Variants in MARCHF6 observed in about 807,000 individuals in gnomAD.
MARCHF6 encodes membrane associated ring-CH-type finger 6, also known as E3 ubiquitin-protein ligase MARCHF6.
Under a neutral mutation model 133.7 loss-of-function variants are expected in MARCHF6, and 31 were observed. That is an observed-to-expected ratio of 0.23 (90% CI 0.17 to 0.31). The LOEUF (loss-of-function observed/expected upper bound fraction) is 0.31. MARCHF6 is among the 10% of genes least tolerant of loss of function. MARCHF6 has a pLI of 1.00. For missense variants in MARCHF6, 723 were observed against 1,121.6 expected (o/e 0.64, Z 5.08); for synonymous variants, 395 against 402.5 (o/e 0.98, Z 0.22).
intron 1 of MARCHF6, among the ~76,000 whole-genome samples, chr5:10,375,532 G>A (rs1405750878): frequency 5.3e-5 from 8 of 152,270 alleles, no homozygotes; most frequent in African/African-American, 1.9e-4. Context: ...CCCAAGGGCT[G>A]AGGAGTGCCA....
chr5:10,403,315 C>A, intron 14 of MARCHF6, 92 bp from the exon 15 acceptor site: 1 of 1,228,884 alleles, frequency 8.1e-7, no homozygotes, highest in Non-Finnish European at 1.2e-6. Context: ...TCCTTGCATG[C>A]ATATTGATTA....
intron 23 of MARCHF6, among the ~76,000 whole-genome samples, chr5:10,424,512 AG>A (rs1646579613): frequency 6.6e-6 from 1 of 152,254 alleles, no homozygotes. Flanking sequence ...CTTATGCCTA[AG>A]AGGCATATTT....
chr5:10,379,570 C>G (rs1051866637), intron 3 of MARCHF6, among the ~76,000 whole-genome samples: 3 of 152,068 alleles, frequency 2.0e-5, no homozygotes, highest in African/African-American at 4.8e-5. Context: ...ACGCCATTCT[C>G]CTGCCTCAGC....
intron 14 of MARCHF6, 101 bp from the exon 15 acceptor site, chr5:10,403,306 C>A: frequency 1.8e-6 from 2 of 1,140,404 alleles, no homozygotes; most frequent in Non-Finnish European, 1.3e-6. Context: ...AGGAATTGTT[C>A]CTTGCATGCA....
chr5:10,403,092 C>T (rs1738646485), intron 14 of MARCHF6, among the ~76,000 whole-genome samples: 1 of 152,078 alleles, frequency 6.6e-6, no homozygotes, highest in African/African-American at 2.4e-5. Context: ...ATTTACCCTC[C>T]CATACCTTAC....
intron 25 of MARCHF6, among the ~76,000 whole-genome samples, chr5:10,432,595 C>T (rs1481340953): frequency 6.6e-6 from 1 of 152,260 alleles, no homozygotes; most frequent in African/African-American, 2.4e-5. Context: ...GCAGCTGTCG[C>T]CCTTCCCTGG....
chr5:10,381,153 T>C (rs1448458463), intron 3 of MARCHF6, among the ~76,000 whole-genome samples: 1 of 152,208 alleles, frequency 6.6e-6, no homozygotes, highest in Non-Finnish European at 1.5e-5. Context: ...CAGTGGTTTT[T>C]TATTGGAACC....
intron 22 of MARCHF6, among the ~76,000 whole-genome samples, chr5:10,419,124 T>C (rs1268879410): frequency 2.0e-5 from 3 of 152,188 alleles, no homozygotes; most frequent in African/African-American, 7.2e-5. Context: ...TACAAAGAAG[T>C]ACAGAACTGA....
In MARCHF6 at chr5:10,390,405, G is replaced by A; in HGVS notation, c.481G>A (p.Val161Met). 6.2e-7 allele frequency: 1 copy of A among 1,613,976 alleles called. No homozygotes were observed. Among genetic ancestry groups the A allele is most frequent in the Non-Finnish European group, 8.5e-7 (1 of 1,180,014 alleles). The change falls in exon 6 of 26, where the codon GTG becomes ATG. Residue 161 changes from valine to methionine, a missense_variant. Coordinates refer to ENST00000274140, the MANE Select transcript of MARCHF6 (RefSeq NM_005885.4). ...TCTLCAFISL[V>M]WLREQIVHGG... ...CACACTGTGTGCATTCATCAGCCTGGTGTGGTTGAGAGAGCAGATAGTCCA... is the reference window on the plus strand; with the variant it reads ...CACACTGTGTGCATTCATCAGCCTGATGTGGTTGAGAGAGCAGATAGTCCA...
intron 8 of MARCHF6, among the ~76,000 whole-genome samples, 168 bp downstream of exon 8, chr5:10,394,311 T>C (rs930797513): frequency 5.3e-5 from 8 of 152,224 alleles, no homozygotes; most frequent in Non-Finnish European, 1.2e-4. Flanking sequence ...GGTCAAAATA[T>C]TGTGATGTTG....
intron 25 of MARCHF6, among the ~76,000 whole-genome samples, chr5:10,430,687 G>C (rs1358636416): frequency 6.6e-6 from 1 of 152,144 alleles, no homozygotes; most frequent in African/African-American, 2.4e-5. Context: ...AACAGTTTTA[G>C]ATAAAAATAA....
At chr5:10,405,028 G>A (rs1472050524) in intron 15 of MARCHF6, among the ~76,000 whole-genome samples, 1 of 152,156 alleles carries the variant, frequency 6.6e-6, no homozygotes, top group African/African-American at 2.4e-5. Flanking sequence ...ATCACACACT[G>A]TAACCCCTTG....
At position 10,411,319 on chromosome 5, in the gene MARCHF6, T is replaced by G. The variant is rs200893202; in HGVS notation, c.1692-14T>G. 4 of 1,611,260 alleles carry G rather than the reference T, an allele frequency of 2.5e-6. No individual in the cohort carries two copies. Among genetic ancestry groups the G allele is most frequent in the East Asian group, 2.2e-5 (1 of 44,876 alleles). ...CCTGAAGTGAGACTTGTTACTGATG[T>G]AATTTTTGCACAGGGATCTTCATTC... is the stretch of plus-strand genomic sequence containing the variant. On this transcript the variant is annotated splice_polypyrimidine_tract_variant and intron_variant, in intron 18 of 25. Transcript: ENST00000274140.
intron 1 of MARCHF6, among the ~76,000 whole-genome samples, chr5:10,369,859 G>T (rs1736362620): frequency 6.6e-6 from 1 of 151,986 alleles, no homozygotes; most frequent in Non-Finnish European, 1.5e-5. Flanking sequence ...TTATTGTAGG[G>T]ATGTACCAAA....
intron 18 of MARCHF6, among the ~76,000 whole-genome samples, chr5:10,410,697 T>C (rs543694966): frequency 6.6e-6 from 1 of 152,324 alleles, no homozygotes; most frequent in Non-Finnish European, 1.5e-5. Context: ...AAGCTTTATA[T>C]ACTCTATATT....
intron 1 of MARCHF6, among the ~76,000 whole-genome samples, chr5:10,369,749 T>G (rs1338655738): frequency 1.3e-5 from 2 of 152,088 alleles, no homozygotes; most frequent in African/African-American, 2.4e-5. Flanking sequence ...CAGTATGTAG[T>G]CTTTTGAGTC....
chr5:10,402,173 A>G lies in MARCHF6; in HGVS notation c.1053+34A>G, dbSNP rs375770631. Reference sequence around the variant, plus strand: ...TAATGAACCAACTTGGGTGTACACTAATATTATTCATACCAAAGAACTCTT... The same window carrying G: ...TAATGAACCAACTTGGGTGTACACTGATATTATTCATACCAAAGAACTCTT... On this transcript the variant is annotated intron_variant, in intron 12 of 25. Coordinates refer to ENST00000274140, the MANE Select transcript of MARCHF6 (RefSeq NM_005885.4). 261 of 1,317,580 alleles carry G rather than the reference A, an allele frequency of 2.0e-4. 2 individuals are homozygous for G. The highest frequency in any genetic ancestry group is 6.4e-5 in the Non-Finnish European group (59 of 919,728). The allele number at this position is 1,317,580 out of a possible 1,614,324, so 81.6% of individuals were successfully genotyped here.
intron 1 of MARCHF6, among the ~76,000 whole-genome samples, chr5:10,360,740 G>A (rs747036626): frequency 3.3e-5 from 5 of 152,196 alleles, no homozygotes; most frequent in African/African-American, 1.2e-4. Context: ...AGGTAGCTGG[G>A]TGGTGGTGGG....
At chr5:10,404,706 G>A (rs1738775278) in intron 15 of MARCHF6, among the ~76,000 whole-genome samples, 1 of 152,142 alleles carries the variant, frequency 6.6e-6, no homozygotes, top group Admixed American at 6.5e-5. Context: ...TGCTGCTCTT[G>A]GTGTACTTTG....
Sources: gnomAD v4.1 joint callset for allele counts (sites outside exome capture counted in the v4.1 genomes callset) on GRCh38, gnomAD v4.1.1 for gene constraint, MANE v1.5 for transcripts, NCBI Gene and HGNC (gene_info 2026-07-23, HGNC 2026-07-21) for gene names.